The following TFB2M variants were observed in gnomAD, a reference collection of about 807,000 sequenced individuals.
TFB2M encodes the protein transcription factor B2, mitochondrial.
A neutral mutation model predicts 41.3 loss-of-function variants in TFB2M; 44 were observed. The observed-to-expected ratio is 1.07, with a 90% confidence interval of 0.84 to 1.37. The LOEUF (loss-of-function observed/expected upper bound fraction) is 1.37. TFB2M is among the 40% of genes most tolerant of loss of function. The pLI, the probability that TFB2M is intolerant of heterozygous loss-of-function variation, is 0.00. For missense variants in TFB2M, 496 were observed against 490.2 expected, an observed-to-expected ratio of 1.01 and a Z score of -0.11; for synonymous variants, 188 against 176.8, an observed-to-expected ratio of 1.06 and a Z score of -0.50.
chr1:246,557,992 T>C (rs551404963), intron 2 of TFB2M, among the ~76,000 whole-genome samples: 60 of 151,972 alleles, frequency 3.9e-4, no homozygotes, highest in Admixed American at 1.4e-3. Context: ...ACAAAAAATA[T>C]TTCTACCTCC....
intron 3 of TFB2M, 79 bp downstream of exon 3, chr1:246,557,302 T>C: frequency 6.8e-7 from 1 of 1,465,632 alleles, no homozygotes; most frequent in East Asian, 2.4e-5. Flanking sequence ...AAAACACAAA[T>C]TTCATCAACA....
At chr1:246,563,078 A>G (rs1449865145) in intron 2 of TFB2M, among the ~76,000 whole-genome samples, 7 of 152,188 alleles carry the variant, frequency 4.6e-5, no homozygotes, top group Non-Finnish European at 1.0e-4. Flanking sequence ...TGTGGTGTAC[A>G]GTAACCTTTC....
intron 6 of TFB2M, among the ~76,000 whole-genome samples, chr1:246,548,028 C>CCT (rs538161169): frequency 1.3e-5 from 2 of 151,018 alleles, no homozygotes; most frequent in African/African-American, 4.9e-5. Flanking sequence ...CTCACTGCAA[C>CCT]CTCTGTCTGC....
Position 246,566,237 on chromosome 1 carries a change from GC to G in TFB2M, c.-100del. ...ACGTGGAACATTTTCTGGCGTCCGG[GC>G]CAGGTCAAGCGGAAGTAAACACTAG... On this transcript the variant is annotated 5_prime_UTR_variant, in exon 1 of 8. Transcript: ENST00000366514. 2.4e-6 allele frequency: 3 copies of G among 1,255,614 alleles called. No individual in the cohort carries two copies. Among genetic ancestry groups the G allele is most frequent in the African/African-American group, 1.5e-5 (1 of 66,578 alleles). 77.8% of individuals were successfully genotyped at this position (1,255,614 alleles called of 1,614,324 possible).
intron 2 of TFB2M, among the ~76,000 whole-genome samples, chr1:246,561,428 T>A (rs767786845): frequency 5.3e-5 from 8 of 152,234 alleles, no homozygotes; most frequent in African/African-American, 1.4e-4. Context: ...CTTCCTTTTT[T>A]CATTAAACAA....
chr1:246,559,003 T>C (rs1242402258), intron 2 of TFB2M, among the ~76,000 whole-genome samples: 2 of 152,228 alleles, frequency 1.3e-5, no homozygotes, highest in African/African-American at 4.8e-5. Flanking sequence ...TCTATTAATA[T>C]TTATTAAGGT....
At chr1:246,563,014 C>G (rs574458594) in intron 2 of TFB2M, among the ~76,000 whole-genome samples, 1 of 152,092 alleles carries the variant, frequency 6.6e-6, no homozygotes, top group Non-Finnish European at 1.5e-5. Context: ...CTTGACGGAC[C>G]CGCTTCCTGG....
chr1:246,551,769 G>GA (rs1659191671), intron 4 of TFB2M, among the ~76,000 whole-genome samples: 1 of 152,226 alleles, frequency 6.6e-6, no homozygotes, highest in Non-Finnish European at 1.5e-5. Flanking sequence ...GCACTCCGCA[G>GA]ACAAGAAACC....
intron 2 of TFB2M, 145 bp downstream of exon 2, chr1:246,564,201 A>C (rs776834885): frequency 9.1e-6 from 6 of 658,532 alleles, no homozygotes; most frequent in South Asian, 1.9e-5. Flanking sequence ...ACTGTGTTCT[A>C]GTCTTTGGGA....
Position 246,566,204 on chromosome 1 carries a change from G to C in TFB2M, c.-66C>G. The C allele has an allele frequency of 6.6e-7, 1 of 1,504,906 alleles. No homozygotes were observed. The highest frequency in any genetic ancestry group is 9.0e-7 in the Non-Finnish European group (1 of 1,112,470). 93.2% of individuals were successfully genotyped at this position (1,504,906 alleles called of 1,614,324 possible). Reference sequence around the variant, plus strand: ...AGCTACTACAGTGAACCCCACGCAGGGTATCCCACGTGGAACATTTTCTGG... The same window carrying C: ...AGCTACTACAGTGAACCCCACGCAGCGTATCCCACGTGGAACATTTTCTGG... On this transcript the variant is annotated 5_prime_UTR_variant, in exon 1 of 8. Coordinates refer to ENST00000366514, the MANE Select transcript of TFB2M (RefSeq NM_022366.3).
chr1:246,547,188 T>C (rs1171900668), intron 6 of TFB2M, among the ~76,000 whole-genome samples: 1 of 152,150 alleles, frequency 6.6e-6, no homozygotes, highest in African/African-American at 2.4e-5. Flanking sequence ...TTCAGCACGT[T>C]GGCCAGGCTG....
At chr1:246,559,200 C>T (rs1358886379) in intron 2 of TFB2M, among the ~76,000 whole-genome samples, 10 of 152,122 alleles carry the variant, frequency 6.6e-5, no homozygotes, top group Admixed American at 1.3e-4. Context: ...GCTCCTGTCT[C>T]AGCCTCCTAA....
chr1:246,541,087 G>A lies in TFB2M; in HGVS notation c.1135C>T (p.Arg379Cys), dbSNP rs767077089. 33 of 1,613,882 alleles carry A rather than the reference G, an allele frequency of 2.0e-5. No homozygotes were observed. Among genetic ancestry groups the A allele is most frequent in the Admixed American group, 6.7e-5 (4 of 59,994 alleles). Residue 379 changes from arginine to cysteine, a missense_variant, in exon 8 of 8, where the codon CGT (arginine) becomes TGT (cysteine). Transcript: ENST00000366514. ...CATTTATAAGCACAATCTTTGGAAC[G>A]CTCTATAGTTTCAAAAAGTGTTTTG... ...DFKTLFETIE[R>C]SKDCAYKWLY...
chr1:246,561,882 T>G (rs1325117343), intron 2 of TFB2M, among the ~76,000 whole-genome samples: 3 of 152,210 alleles, frequency 2.0e-5, no homozygotes, highest in Non-Finnish European at 4.4e-5. Context: ...AGATTAACCT[T>G]TAAATATAGG....
At chr1:246,548,358 G>A (rs1659079296) in intron 6 of TFB2M, among the ~76,000 whole-genome samples, 187 bp downstream of exon 6, 1 of 151,790 alleles carries the variant, frequency 6.6e-6, no homozygotes, top group Non-Finnish European at 1.5e-5. Context: ...AGCATCCATT[G>A]TATAACAGCT....
chr1:246,565,771 A>G, intron 1 of TFB2M, 55 bp downstream of exon 1: 4 of 1,555,142 alleles, frequency 2.6e-6, no homozygotes, highest in Non-Finnish European at 3.5e-6. Context: ...GAGGAGGGTC[A>G]ATACGTTTGA....
Position 246,565,760 on chromosome 1 carries a change from C to T in TFB2M, c.313+66G>A, listed in dbSNP as rs137983515. 9.6e-5 allele frequency: 145 copies of T among 1,515,858 alleles called. No individual in the cohort carries two copies. In the African/African-American group the frequency reaches 1.5e-3, roughly 16 times the overall value. The allele number at this position is 1,515,858 out of a possible 1,614,324, so 93.9% of individuals were successfully genotyped here. On this transcript the variant is annotated intron_variant, in intron 1 of 7. Transcript: ENST00000366514. Reference sequence around the variant, plus strand: ...CCCCCCAGTATCTAAAATAGCACCCCGAGGAGGGTCAATACGTTTGAATAA... The same window carrying T: ...CCCCCCAGTATCTAAAATAGCACCCTGAGGAGGGTCAATACGTTTGAATAA...
intron 7 of TFB2M, among the ~76,000 whole-genome samples, chr1:246,542,432 G>A (rs1039874380): frequency 1.3e-5 from 2 of 152,104 alleles, no homozygotes; most frequent in East Asian, 1.9e-4. Flanking sequence ...CAGCACTTTG[G>A]GGGGCTAGGT....
At chr1:246,557,233 A>C in intron 3 of TFB2M, 148 bp downstream of exon 3, 1 of 848,394 alleles carries the variant, frequency 1.2e-6, no homozygotes, top group Non-Finnish European at 1.8e-6. Context: ...GGATCGCGCC[A>C]CTGCACTCCA....
Sources: gnomAD v4.1 joint callset for allele counts (sites outside exome capture counted in the v4.1 genomes callset) on GRCh38, gnomAD v4.1.1 for gene constraint, MANE v1.5 for transcripts, NCBI Gene and HGNC (gene_info 2026-07-23, HGNC 2026-07-21) for gene names.